The following C8A variants were observed in gnomAD, a reference collection of about 807,000 sequenced individuals.
C8A encodes complement C8 alpha chain.
A neutral mutation model predicts 65.3 loss-of-function variants in C8A; 67 were observed. The ratio of observed to expected loss-of-function variants is 1.03; its 90% CI spans 0.84 to 1.26. The LOEUF is 1.26. Ranked by LOEUF, C8A falls within the 50% of genes most tolerant of loss-of-function variation. C8A has a pLI of 0.00. For missense variants in C8A, 781 were observed against 723.9 expected, an observed-to-expected ratio of 1.08 and a Z score of -0.90; for synonymous variants, 290 against 259.4, an observed-to-expected ratio of 1.12 and a Z score of -1.13.
At chr1:56,910,742 A>G (rs1366932230) in intron 9 of C8A, among the ~76,000 whole-genome samples, 1 of 152,220 alleles carries the variant, frequency 6.6e-6, no homozygotes, top group African/African-American at 2.4e-5. Context: ...ACCACAGGCC[A>G]AAGTCTGTTT....
intron 1 of C8A, among the ~76,000 whole-genome samples, chr1:56,859,010 C>T (rs756058086): frequency 6.6e-6 from 1 of 152,146 alleles, no homozygotes; most frequent in Non-Finnish European, 1.5e-5. Flanking sequence ...ATAACAGAAC[C>T]TGGTACATGG....
At chr1:56,908,536 A>G (rs1644484236) in intron 9 of C8A, among the ~76,000 whole-genome samples, 1 of 152,232 alleles carries the variant, frequency 6.6e-6, no homozygotes, top group East Asian at 1.9e-4. Context: ...AAGTAGTAGT[A>G]TTAGTTCTTC....
chr1:56,884,887 C>T (rs1448923510), intron 6 of C8A, among the ~76,000 whole-genome samples: 3 of 152,140 alleles, frequency 2.0e-5, no homozygotes, highest in Non-Finnish European at 4.4e-5. Flanking sequence ...GTAATGCATT[C>T]TACTATAGGC....
chr1:56,906,490 T>G (rs567252216), intron 7 of C8A, among the ~76,000 whole-genome samples, 177 bp from the exon 8 acceptor site: 1 of 150,496 alleles, frequency 6.6e-6, no homozygotes, highest in South Asian at 2.1e-4. Context: ...TCAAGAATTA[T>G]TTTGGTTGGA....
At chr1:56,905,745 A>G (rs950222640) in intron 7 of C8A, among the ~76,000 whole-genome samples, 3 of 152,238 alleles carry the variant, frequency 2.0e-5, no homozygotes, top group African/African-American at 7.2e-5. Flanking sequence ...TAAAGGAATC[A>G]TGTCTCAAAA....
At position 56,896,934 on chromosome 1, in the gene C8A, T is replaced by C. The variant is rs556879588; in HGVS notation, c.1097-9733T>C. ...TGTGGCAACCCTTCAAGCTCTATTT[T>C]ATGGCTGTCCTCATTTCACAGATGA... On this transcript the variant is annotated intron_variant, in intron 7 of 10. Transcript: ENST00000361249. Among the ~76,000 whole-genome samples the C allele has an allele frequency of 2.0e-5, 3 of 152,286 alleles. No homozygotes were observed. The East Asian group carries it at 5.8e-4, about 29-fold the overall frequency.
intron 7 of C8A, among the ~76,000 whole-genome samples, chr1:56,893,735 A>C (rs564244360): frequency 5.9e-5 from 9 of 152,282 alleles, no homozygotes; most frequent in Admixed American, 3.3e-4. Context: ...TGCCTCATAG[A>C]GTGGTTGGTT....
At chr1:56,874,400 G>A (rs973705135) in intron 2 of C8A, among the ~76,000 whole-genome samples, 1 of 152,162 alleles carries the variant, frequency 6.6e-6, no homozygotes, top group Non-Finnish European at 1.5e-5. Context: ...AAGAAATGTT[G>A]CAAAGAAAAA....
intron 7 of C8A, among the ~76,000 whole-genome samples, chr1:56,887,835 G>C (rs1390510310): frequency 6.6e-6 from 1 of 152,136 alleles, no homozygotes; most frequent in Admixed American, 6.6e-5. Flanking sequence ...CCTTTGCAGG[G>C]ACATGGGTGA....
chr1:56,888,630 T>C (rs1262891017), intron 7 of C8A, among the ~76,000 whole-genome samples: 1 of 152,168 alleles, frequency 6.6e-6, no homozygotes, highest in Non-Finnish European at 1.5e-5. Context: ...ATTTGTATCG[T>C]GTCATGATGC....
intron 1 of C8A, among the ~76,000 whole-genome samples, chr1:56,865,547 C>A (rs1387365875): frequency 6.6e-6 from 1 of 152,174 alleles, no homozygotes; most frequent in African/African-American, 2.4e-5. Flanking sequence ...GATTAGGTTT[C>A]AACATATAAA....
At chr1:56,893,240 A>G (rs1644362116) in intron 7 of C8A, among the ~76,000 whole-genome samples, 1 of 152,162 alleles carries the variant, frequency 6.6e-6, no homozygotes, top group Admixed American at 6.5e-5. Context: ...ATAGTCATGA[A>G]AAGCACTGTG....
At chr1:56,879,163 A>C (rs756253845) in intron 4 of C8A, among the ~76,000 whole-genome samples, 24 of 152,164 alleles carry the variant, frequency 1.6e-4, no homozygotes, top group Non-Finnish European at 2.4e-4. Flanking sequence ...AGCATTTACT[A>C]TCTGGCTCTT....
At chr1:56,878,813 T>A (rs1297378748) in intron 4 of C8A, among the ~76,000 whole-genome samples, 1 of 152,208 alleles carries the variant, frequency 6.6e-6, no homozygotes, top group African/African-American at 2.4e-5. Context: ...TTCCAGATTA[T>A]GTAAAAACTG....
intron 2 of C8A, among the ~76,000 whole-genome samples, chr1:56,870,917 A>G (rs542679474): frequency 4.6e-5 from 7 of 152,174 alleles, no homozygotes; most frequent in Non-Finnish European, 8.8e-5. Context: ...AACATTATCT[A>G]CCAGTTAGAA....
chr1:56,900,844 G>T (rs1480792233), intron 7 of C8A, among the ~76,000 whole-genome samples: 8 of 152,144 alleles, frequency 5.3e-5, no homozygotes, highest in Admixed American at 5.2e-4. Flanking sequence ...GAAGCTTGTA[G>T]TCTTATAGGA....
Position 56,855,568 on chromosome 1 carries a change from T to A in C8A, c.77+590T>A, listed in dbSNP as rs1262661301. On this transcript the variant is annotated intron_variant, in intron 1 of 10. Coordinates refer to ENST00000361249, the MANE Select transcript of C8A (RefSeq NM_000562.3). ...GCTATGGGATAATAGAGGGAGGTGA[T>A]GTAGTTTCATATGTACATTGTGTTT... Among the ~76,000 whole-genome samples the A allele has an allele frequency of 2.6e-5, 4 of 152,050 alleles. No homozygotes were observed. In the East Asian group the frequency reaches 7.7e-4, roughly 29 times the overall value.
chr1:56,882,345 A>AATTCTCCC (rs113142554), intron 5 of C8A, among the ~76,000 whole-genome samples: 9 of 152,238 alleles, frequency 5.9e-5, no homozygotes, highest in South Asian at 2.1e-4. Context: ...CTTTCACACA[A>AATTCTCCC]ATTCTCCCAT....
chr1:56,911,198 A>G (rs1170135884), intron 9 of C8A, among the ~76,000 whole-genome samples: 3 of 152,028 alleles, frequency 2.0e-5, no homozygotes, highest in Non-Finnish European at 4.4e-5. Context: ...CTGGGAATTA[A>G]GTATTATTCC....
Sources: allele counts gnomAD v4.1 joint callset (sites outside exome capture counted in the v4.1 genomes callset), GRCh38; gene constraint gnomAD v4.1.1; transcripts MANE v1.5; gene names NCBI Gene and HGNC (gene_info 2026-07-23, HGNC 2026-07-21).